The following B4GALT1 variants were observed in gnomAD, a reference collection of about 807,000 sequenced individuals.
The protein encoded by B4GALT1 is beta-1,4-galactosyltransferase 1.
B4GALT1 carries 16 observed loss-of-function variants against 34.9 expected under a neutral mutation model. That is an observed-to-expected ratio of 0.46 (90% CI 0.31 to 0.70). B4GALT1 has a LOEUF of 0.70. Ranked by LOEUF, B4GALT1 falls within the 30% of genes least tolerant of loss-of-function variation. B4GALT1 has a pLI of 0.05. For missense variants in B4GALT1, 445 were observed against 530.5 expected (o/e 0.84, Z 1.58); for synonymous variants, 221 against 218.1 (o/e 1.01, Z -0.12).
At chr9:33,174,990 A>AATATATATATATAT in the B4GALT1 span, among the ~76,000 whole-genome samples, 15 of 4,830 alleles carry the variant, frequency 3.1e-3, 1 homozygote, top group East Asian at 0.016. Context: ...AAAAAAAAAA[A>AATATATATATATAT]ATATATATAT....
At chr9:33,142,760 A>G (rs139436294) in intron 1 of B4GALT1, among the ~76,000 whole-genome samples, 1 of 152,258 alleles carries the variant, frequency 6.6e-6, no homozygotes, top group African/African-American at 2.4e-5. Context: ...ACACCCAGCT[A>G]AGTGAGAAAC....
At chr9:33,181,012 G>A in the B4GALT1 span, among the ~76,000 whole-genome samples, 1 of 152,156 alleles carries the variant, frequency 6.6e-6, no homozygotes, top group African/African-American at 2.4e-5. Context: ...TTTGCCAACA[G>A]ACTATCAAAT....
chr9:33,118,416 T>C (rs112580649), intron 3 of B4GALT1, among the ~76,000 whole-genome samples: 2 of 152,248 alleles, frequency 1.3e-5, no homozygotes, highest in African/African-American at 4.8e-5. Context: ...TCCCAGCACT[T>C]TGGGAGGTCA....
At chr9:33,133,048 G>A (rs868734308) in intron 2 of B4GALT1, among the ~76,000 whole-genome samples, 7 of 151,988 alleles carry the variant, frequency 4.6e-5, no homozygotes, top group South Asian at 2.1e-4. Flanking sequence ...GATTACAGCC[G>A]CCCACCACTA....
At chr9:33,104,753 C>T in exon 3 of B4GALT1, 1 of 456,004 alleles carries the variant, frequency 2.2e-6, no homozygotes, top group Non-Finnish European at 4.4e-6. Flanking sequence ...GCGAAGCCTT[C>T]ACCACAGGAG....
chr9:33,161,530 G>A (rs1369176908), intron 1 of B4GALT1, among the ~76,000 whole-genome samples: 1 of 152,236 alleles, frequency 6.6e-6, no homozygotes, highest in African/African-American at 2.4e-5. Flanking sequence ...CAAGTTTAGG[G>A]ACAGGAGGGA....
chr9:33,163,994 G>A (rs1053409291), intron 1 of B4GALT1, among the ~76,000 whole-genome samples: 9 of 152,102 alleles, frequency 5.9e-5, no homozygotes, highest in African/African-American at 2.2e-4. Flanking sequence ...CCTGCCCCAG[G>A]TCACACTAAC....
At chr9:33,104,644 G>A in exon 3 of B4GALT1, 2 of 428,414 alleles carry the variant, frequency 4.7e-6, no homozygotes, top group Non-Finnish European at 4.6e-6. Flanking sequence ...CTCCTCAGGT[G>A]GCACAGCCCA....
Position 33,167,150 on chromosome 9 carries a change from A to G in B4GALT1, c.20T>C (p.Leu7Pro), listed in dbSNP as rs1335654238. The change falls in exon 1 of 6, where the codon CTC becomes CCC. Residue 7 changes from leucine (L) to proline (P), a missense_variant. Transcript: ENST00000379731. MRLREP[L>P]LSGSAAMPGA... Reference sequence around the variant, plus strand: ...TGGCATCGCGGCGCTGCCGCTCAGGAGCGGCTCCCGAAGCCTCATCTTCCC... The same window carrying G: ...TGGCATCGCGGCGCTGCCGCTCAGGGGCGGCTCCCGAAGCCTCATCTTCCC... The G allele has an allele frequency of 1.9e-6, 3 of 1,600,788 alleles. No homozygotes were observed. Among genetic ancestry groups the G allele is most frequent in the Non-Finnish European group, 2.6e-6 (3 of 1,175,872 alleles).
At chr9:33,146,650 C>G (rs1587743433) in intron 1 of B4GALT1, among the ~76,000 whole-genome samples, 1 of 152,042 alleles carries the variant, frequency 6.6e-6, no homozygotes, top group African/African-American at 2.4e-5. Flanking sequence ...GAGATTTAGA[C>G]ATTTGACACA....
chr9:33,166,280 A>G (rs1840751246), intron 1 of B4GALT1, among the ~76,000 whole-genome samples: 2 of 152,074 alleles, frequency 1.3e-5, no homozygotes, highest in Non-Finnish European at 2.9e-5. Flanking sequence ...GATCAGGAGA[A>G]AAACCCACTC....
chr9:33,178,464 A>G, the B4GALT1 span, among the ~76,000 whole-genome samples: 2 of 152,226 alleles, frequency 1.3e-5, no homozygotes. Flanking sequence ...CTGTCACAAC[A>G]CAAATAAACT....
chr9:33,126,186 C>A (rs79864251), intron 2 of B4GALT1, among the ~76,000 whole-genome samples: 8,886 of 152,180 alleles, frequency 0.058, 293 homozygotes, highest in Non-Finnish European at 0.068. Flanking sequence ...CTTTTCTGTG[C>A]CCACTGAGAC....
At position 33,113,279 on chromosome 9, in the gene B4GALT1, T is replaced by G. The variant is rs1262738862; in HGVS notation, c.*175A>C. On this transcript the variant is annotated 3_prime_UTR_variant, in exon 6 of 6. Coordinates refer to ENST00000379731, the MANE Select transcript of B4GALT1 (RefSeq NM_001497.4). ...CTAAGAATTCACATGCCGAGCCAAG[T>G]TGGGGGCAAAATATCCCACTCGTCC... The G allele has an allele frequency of 1.1e-5, 10 of 927,094 alleles. No homozygotes were observed. Among genetic ancestry groups the G allele is most frequent in the South Asian group, 4.4e-5 (3 of 68,190 alleles). The allele number at this position is 927,094 out of a possible 1,614,324, so 57.4% of individuals were successfully genotyped here.
chr9:33,173,906 A>G, the B4GALT1 span, among the ~76,000 whole-genome samples: 2 of 152,358 alleles, frequency 1.3e-5, no homozygotes, highest in Admixed American at 6.5e-5. Context: ...AAATTTGAGA[A>G]TGAAAATAAA....
At chr9:33,105,765 C>A (rs2117967280), downstream of B4GALT1, among the ~76,000 whole-genome samples, 1 of 151,950 alleles carries the variant, frequency 6.6e-6, no homozygotes, top group South Asian at 2.1e-4. Flanking sequence ...AGCATAATAT[C>A]TTCAAGGTTC....
the B4GALT1 span, among the ~76,000 whole-genome samples, chr9:33,184,163 T>TATA: frequency 1.8e-3 from 277 of 151,466 alleles, no homozygotes; most frequent in African/African-American, 6.4e-3. Context: ...GAACTTAAAG[T>TATA]ATAATAATAA....
chr9:33,169,244 C>T (rs2079969573), upstream of B4GALT1, among the ~76,000 whole-genome samples: 1 of 152,196 alleles, frequency 6.6e-6, no homozygotes, highest in Non-Finnish European at 1.5e-5. Context: ...CACAGAAACC[C>T]TGTTCAATCT....
chr9:33,181,422 T>TTA, the B4GALT1 span, among the ~76,000 whole-genome samples: 1 of 28,594 alleles, frequency 3.5e-5, no homozygotes, highest in Non-Finnish European at 8.9e-5. Flanking sequence ...AGACCCTGTC[T>TTA]TACACACACA....
Sources: allele counts gnomAD v4.1 joint callset (sites outside exome capture counted in the v4.1 genomes callset), GRCh38; gene constraint gnomAD v4.1.1; transcripts MANE v1.5; gene names NCBI Gene and HGNC (gene_info 2026-07-23, HGNC 2026-07-21).